DNAH1: variants seen among roughly 807,000 people sequenced by gnomAD.
DNAH1 encodes dynein axonemal heavy chain 1.
In DNAH1, 327 loss-of-function variants were observed where a neutral mutation model predicts 484.3. That is an observed-to-expected ratio of 0.68 (90% CI 0.62 to 0.74). DNAH1 has a LOEUF of 0.74. Among genes scored for constraint, DNAH1 ranks in the 30% least tolerant of loss-of-function variants. The pLI is 0.00. For missense variants in DNAH1, 5,052 were observed against 5,546.8 expected (o/e 0.91, Z 2.83); for synonymous variants, 2,192 against 2,191.9 (o/e 1.00, Z 0.00).
chr3:52,394,815 A>G, intron 67 of DNAH1, 100 bp from the exon 68 acceptor site: 1 of 1,519,172 alleles, frequency 6.6e-7, no homozygotes, highest in African/African-American at 1.4e-5. Context: ...TACCCCTGGG[A>G]TAGCCCACTC....
chr3:52,395,003 A>G lies in DNAH1; in HGVS notation c.10912A>G (p.Asn3638Asp), dbSNP rs772810465. 1 of 1,611,994 alleles carries G rather than the reference A, an allele frequency of 6.2e-7. No homozygotes were observed. Among genetic ancestry groups the G allele is most frequent in the African/African-American group, 1.3e-5 (1 of 74,890 alleles). The change falls in exon 68 of 78, where the codon AAC (asparagine) becomes GAC (aspartate). Residue 3638 changes from asparagine to aspartate, a missense_variant. This residue lies in a region of DNAH1 where 853 missense variants were observed against 899.0 expected (regional missense o/e 0.95). Coordinates refer to ENST00000420323, the MANE Select transcript of DNAH1 (RefSeq NM_015512.5). This position sits in a 1 kb window ranked among gnomAD's most constrained non-coding sequence, Gnocchi z 4.4. ...LRCLRGDKVT[N>D]AMQDFVATNL... The stretch of plus-strand genomic sequence containing the variant: ...CTGCCTGCGTGGGGACAAGGTTACC[A>G]ACGCCATGCAGGACTTTGTGGCCAC...
At chr3:52,386,061 C>G (rs1270317429) in intron 54 of DNAH1, 99 bp from the exon 55 acceptor site, 24 of 1,378,022 alleles carry the variant, frequency 1.7e-5, no homozygotes, top group Non-Finnish European at 1.9e-5. Context: ...CTGGAGGGCC[C>G]TTGGAGAACA....
At chr3:52,373,534 T>C in intron 44 of DNAH1, 2 of 1,468,642 alleles carry the variant, frequency 1.4e-6, no homozygotes, top group Non-Finnish European at 9.4e-7. Context: ...CCGTCTACAG[T>C]GTCTGCTAAA....
At chr3:52,332,871 T>A (rs1701606360) in intron 8 of DNAH1, among the ~76,000 whole-genome samples, 1 of 152,194 alleles carries the variant, frequency 6.6e-6, no homozygotes, top group African/African-American at 2.4e-5. Context: ...GAAGCTCTTT[T>A]TATTTATTAT....
intron 8 of DNAH1, among the ~76,000 whole-genome samples, chr3:52,340,613 T>G (rs1701902156): frequency 6.6e-6 from 1 of 151,792 alleles, no homozygotes; most frequent in South Asian, 2.1e-4. Flanking sequence ...TTTTGTATTT[T>G]TAGTAGAGAC....
intron 8 of DNAH1, among the ~76,000 whole-genome samples, chr3:52,334,383 G>T (rs1296330779): frequency 6.6e-6 from 1 of 152,218 alleles, no homozygotes; most frequent in Non-Finnish European, 1.5e-5. Context: ...GTGACTGAAC[G>T]TGAAGACCTA....
rs1342282926 is a variant in DNAH1 at position 52,380,006 on chromosome 3, C to G, written c.7479C>G (p.Leu2493=). The G allele has an allele frequency of 1.3e-6, 2 of 1,592,818 alleles. No individual in the cohort carries two copies. The highest frequency in any genetic ancestry group is 1.7e-6 in the Non-Finnish European group (2 of 1,169,888). ...ACCGCAGCTGGTTCGACCAGCTCCT[C>G]AAGCGCTGCATGGAGCAGTGGGAGG... is the stretch of plus-strand genomic sequence containing the variant. ...EEDRSWFDQL[L]KRCMEQWEVT... Residue 2493 remains leucine, a synonymous_variant, in exon 48 of 78, where the codon CTC becomes CTG. Coordinates refer to ENST00000420323, the MANE Select transcript of DNAH1 (RefSeq NM_015512.5).
At chr3:52,398,231 T>C in intron 75 of DNAH1, 69 bp downstream of exon 75, 2 of 1,519,996 alleles carry the variant, frequency 1.3e-6, no homozygotes, top group Non-Finnish European at 1.8e-6. Flanking sequence ...ACAACAGGGG[T>C]TACTATGGGC....
At chr3:52,340,692 C>A (rs945724114) in intron 8 of DNAH1, among the ~76,000 whole-genome samples, 3 of 152,124 alleles carry the variant, frequency 2.0e-5, no homozygotes, top group Non-Finnish European at 2.9e-5. Context: ...ACCTCGGCCT[C>A]CCAAAGTGCT....
At chr3:52,352,824 C>T in intron 18 of DNAH1, 117 bp downstream of exon 18, 1 of 1,423,442 alleles carries the variant, frequency 7.0e-7, no homozygotes, top group Non-Finnish European at 9.3e-7. Context: ...CAGCAGGCTG[C>T]AGAGTGGAGA....
rs1578116420 is a variant in DNAH1, at chr3:52,348,794, T to A, written c.2107-94T>A. The A allele has an allele frequency of 3.1e-5, 43 of 1,389,368 alleles. No homozygotes were observed. The East Asian group carries it at 9.9e-4, about 32-fold the overall frequency. The allele number at this position is 1,389,368 out of a possible 1,614,324, so 86.1% of individuals were successfully genotyped here. On this transcript the variant is annotated intron_variant, in intron 12 of 77. Coordinates refer to ENST00000420323, the MANE Select transcript of DNAH1 (RefSeq NM_015512.5). ...CTTCAGGCCACATCCTGCCCCTGCT[T>A]GCCCTGCTCCTCGGGAGGACTCCCC...
At chr3:52,374,158 C>T in intron 44 of DNAH1, 2 of 1,264,724 alleles carry the variant, frequency 1.6e-6, no homozygotes, top group South Asian at 2.4e-5. Flanking sequence ...GAGCTTACAT[C>T]AGAAAACAGA....
In DNAH1 at chr3:52,393,441, C is replaced by G; in HGVS notation, c.10582C>G (p.Leu3528Val). ...GAAGCACAAGCTGATGTTTGCCTTC[C>G]TGCTGTGTGTTCGCATCATGATGAA... ...FEKHKLMFAF[L>V]LCVRIMMNEG... Residue 3528 changes from leucine (L) to valine (V), a missense_variant, in exon 66 of 78, where the codon CTG becomes GTG. By Grantham distance (32) the Leu-to-Val change is conservative (BLOSUM62 1). Transcript: ENST00000420323. 1.2e-6 allele frequency: 2 copies of G among 1,614,072 alleles called. No individual in the cohort carries two copies. The highest frequency in any genetic ancestry group is 4.5e-5 in the East Asian group (2 of 44,894).
intron 8 of DNAH1, among the ~76,000 whole-genome samples, chr3:52,333,375 TTTTC>T (rs1004075862): frequency 7.4e-5 from 11 of 148,936 alleles, no homozygotes; most frequent in Non-Finnish European, 1.0e-4. Context: ...TTTCCTTTTC[TTTTC>T]TTTCTTTCTT....
At chr3:52,390,600 AG>A in intron 60 of DNAH1, among the ~76,000 whole-genome samples, 1 of 152,210 alleles carries the variant, frequency 6.6e-6, no homozygotes, top group Admixed American at 6.5e-5. Context: ...GGTCTCATCA[AG>A]TGAGCACTCA....
intron 16 of DNAH1, among the ~76,000 whole-genome samples, 173 bp from the exon 17 acceptor site, chr3:52,351,789 C>T (rs147820256): frequency 6.6e-6 from 1 of 152,342 alleles, no homozygotes; most frequent in East Asian, 1.9e-4. Context: ...CCTCCCAGCT[C>T]ACCTGTACTT....
intron 52 of DNAH1, 126 bp downstream of exon 52, chr3:52,384,157 G>C: frequency 9.6e-7 from 1 of 1,037,264 alleles, no homozygotes; most frequent in Non-Finnish European, 1.3e-6. Flanking sequence ...TGGTCAGGCT[G>C]TGTTTCCTGT....
intron 1 of DNAH1, among the ~76,000 whole-genome samples, chr3:52,319,785 G>A (rs1701078964): frequency 6.6e-6 from 1 of 152,210 alleles, no homozygotes; most frequent in African/African-American, 2.4e-5. Context: ...GTTGGGGCAG[G>A]GCTGGAAGGG....
In DNAH1 at chr3:52,326,815, G is replaced by C; in HGVS notation, c.662G>C (p.Arg221Thr). Residue 221 changes from arginine to threonine, a missense_variant, in exon 5 of 78, where the codon AGG (arginine) becomes ACG (threonine). Transcript: ENST00000420323. ...QGIDSNKLMP[R>T]HLDHQHPQTI... ...ATCGACTCCAACAAGCTCATGCCCA[G>C]GCACCTGGACCACCAGCACCCCCAA... 1 of 1,613,732 alleles carries C rather than the reference G, an allele frequency of 6.2e-7. No homozygotes were observed. Among genetic ancestry groups the C allele is most frequent in the Non-Finnish European group, 8.5e-7 (1 of 1,179,774 alleles).
Sources: gnomAD v4.1 joint callset for allele counts (sites outside exome capture counted in the v4.1 genomes callset) on GRCh38, gnomAD v4.1.1 for gene constraint, gnomAD v4.1.1 regional missense constraint, Gnocchi (gnomAD v3.1) non-coding constraint, MANE v1.5 for transcripts, NCBI Gene and HGNC (gene_info 2026-07-23, HGNC 2026-07-21) for gene names.